Variants in THEMIS observed in about 807,000 individuals in gnomAD.
The protein encoded by THEMIS is thymocyte selection associated, also known as protein THEMIS.
Under a neutral mutation model 52.6 loss-of-function variants are expected in THEMIS, and 37 were observed. The observed-to-expected ratio is 0.70, with a 90% CI of 0.54 to 0.93. The LOEUF is 0.93. THEMIS is among the 40% of genes least tolerant of loss of function. The pLI is 0.00. For synonymous variants in THEMIS, 292 were observed against 272.7 expected (o/e 1.07, Z -0.70); for missense variants, 808 against 763.1 (o/e 1.06, Z -0.69).
At chr6:127,892,142 G>T (rs1010806102) in intron 1 of THEMIS, among the ~76,000 whole-genome samples, 1 of 152,082 alleles carries the variant, frequency 6.6e-6, no homozygotes. Context: ...GGCCTACAAG[G>T]TCTGGGCCTG....
intron 5 of THEMIS, among the ~76,000 whole-genome samples, chr6:127,719,115 ACTT>A (rs1274777491): frequency 2.0e-5 from 3 of 151,844 alleles, no homozygotes; most frequent in Non-Finnish European, 4.4e-5. Context: ...CAAGAAACAA[ACTT>A]CTTATTTCCC....
chr6:127,841,859 G>A (rs1284932813), intron 2 of THEMIS, among the ~76,000 whole-genome samples: 1 of 152,038 alleles, frequency 6.6e-6, no homozygotes, highest in Admixed American at 6.6e-5. Flanking sequence ...TTGTAAGGTA[G>A]ACACAGCTGA....
intron 3 of THEMIS, among the ~76,000 whole-genome samples, chr6:127,827,766 C>G (rs1208623265): frequency 6.6e-6 from 1 of 152,152 alleles, no homozygotes; most frequent in Non-Finnish European, 1.5e-5. Flanking sequence ...ATTGATGTCT[C>G]TACTGTATAA....
chr6:127,823,756 T>C (rs948029302), intron 3 of THEMIS, among the ~76,000 whole-genome samples: 1 of 152,084 alleles, frequency 6.6e-6, no homozygotes, highest in Non-Finnish European at 1.5e-5. Flanking sequence ...ACTAATTTAA[T>C]TAGGTAGTGA....
intron 4 of THEMIS, among the ~76,000 whole-genome samples, chr6:127,764,387 A>G (rs1302555623): frequency 1.3e-5 from 2 of 151,982 alleles, no homozygotes. Flanking sequence ...CTAAAGAAAC[A>G]TTAAAACATT....
rs529674319 is a variant in THEMIS at position 127,894,375 on chromosome 6, T to A, written c.91+6467A>T. ...AAATTATTAATTAAAAGCAAAAGGATAGCAAATAAAATCTTATATGATCAC... is the reference window on the plus strand; with the variant it reads ...AAATTATTAATTAAAAGCAAAAGGAAAGCAAATAAAATCTTATATGATCAC... On this transcript the variant is annotated intron_variant, in intron 1 of 5. Transcript: ENST00000368248. Among the ~76,000 whole-genome samples the A allele has an allele frequency of 2.7e-4, 41 of 151,968 alleles. 1 individual carries two copies. Among genetic ancestry groups the A allele is most frequent in the Non-Finnish European group, 4.4e-5 (3 of 67,894 alleles).
In THEMIS at chr6:127,813,146, T is replaced by A; in HGVS notation, c.1495A>T (p.Thr499Ser). The change falls in exon 4 of 6, where the codon ACG (threonine) becomes TCG (serine). Residue 499 changes from threonine to serine, a missense_variant. Thr to Ser is a moderately conservative substitution (Grantham distance 58). Coordinates refer to ENST00000368248, the MANE Select transcript of THEMIS (RefSeq NM_001010923.3). Reference protein sequence around the residue: ...YLLISDFANPTECWEIPVGRL... With the variant: ...YLLISDFANPSECWEIPVGRL... ...CCCACAGGAATTTCCCAGCACTCCG[T>A]GGGGTTGGCAAAGTCACTTATGAGT... 1 of 1,614,058 alleles carries A rather than the reference T, an allele frequency of 6.2e-7. No homozygotes were observed.
intron 3 of THEMIS, among the ~76,000 whole-genome samples, chr6:127,821,175 A>T (rs12665008): frequency 0.095 from 10,680 of 111,934 alleles, 368 homozygotes; most frequent in Middle Eastern, 0.11. Flanking sequence ...TGTGTGTGTG[A>T]GAGAGAGAGA....
intron 1 of THEMIS, among the ~76,000 whole-genome samples, chr6:127,882,835 T>A (rs1780527347): frequency 6.6e-6 from 1 of 151,928 alleles, no homozygotes. Flanking sequence ...CTGATTTTAC[T>A]ACCACATCAC....
intron 4 of THEMIS, among the ~76,000 whole-genome samples, chr6:127,765,941 A>G (rs758533643): frequency 7.9e-5 from 12 of 152,126 alleles, no homozygotes; most frequent in Non-Finnish European, 1.6e-4. Flanking sequence ...GATCAATACA[A>G]CATTCCTTGG....
intron 4 of THEMIS, among the ~76,000 whole-genome samples, chr6:127,748,434 C>T (rs1775523174): frequency 6.6e-6 from 1 of 152,014 alleles, no homozygotes; most frequent in Non-Finnish European, 1.5e-5. Flanking sequence ...ACTCTCACTG[C>T]AACTAATCCA....
chr6:127,874,939 C>T lies in THEMIS; in HGVS notation c.92-19751G>A, dbSNP rs553961507. Among the ~76,000 whole-genome samples the T allele has an allele frequency of 1.6e-4, 24 of 152,336 alleles. No homozygotes were observed. The South Asian group carries it at 1.7e-3, about 11-fold the overall frequency. ...CAGCAGGAGGTGAGCAGCTGAACAG[C>T]CAGCAAAGCTGAGCTTCACCTTTCA... is the stretch of plus-strand genomic sequence containing the variant. On this transcript the variant is annotated intron_variant, in intron 1 of 5. Transcript: ENST00000368248.
At chr6:127,739,025 C>T (rs1775105977) in intron 4 of THEMIS, among the ~76,000 whole-genome samples, 1 of 152,108 alleles carries the variant, frequency 6.6e-6, no homozygotes, top group South Asian at 2.1e-4. Context: ...CTCATGGCTG[C>T]ACCATTGCAA....
intron 4 of THEMIS, among the ~76,000 whole-genome samples, chr6:127,743,072 T>C (rs1210791190): frequency 6.6e-6 from 1 of 152,058 alleles, no homozygotes; most frequent in Non-Finnish European, 1.5e-5. Context: ...TAAAAGGTGA[T>C]TCATTAAAGA....
At chr6:127,798,956 C>T (rs1583290016) in intron 4 of THEMIS, among the ~76,000 whole-genome samples, 3 of 134,656 alleles carry the variant, frequency 2.2e-5, no homozygotes, top group African/African-American at 8.7e-5. Flanking sequence ...TGTGCCACTG[C>T]AGTCCAGCCT....
At chr6:127,790,001 A>G (rs1777104924) in intron 4 of THEMIS, among the ~76,000 whole-genome samples, 1 of 152,218 alleles carries the variant, frequency 6.6e-6, no homozygotes, top group African/African-American at 2.4e-5. Context: ...ACTCCTATCC[A>G]ACATAGTATT....
At chr6:127,698,658 G>C in the THEMIS span, among the ~76,000 whole-genome samples, 1 of 151,990 alleles carries the variant, frequency 6.6e-6, no homozygotes, top group Non-Finnish European at 1.5e-5. Flanking sequence ...TTCTCCTGTT[G>C]TGGGTGTGGT....
intron 4 of THEMIS, among the ~76,000 whole-genome samples, chr6:127,749,212 G>A (rs377338628): frequency 2.6e-5 from 4 of 151,970 alleles, no homozygotes; most frequent in East Asian, 3.8e-4. Flanking sequence ...TGAAAAAGCC[G>A]CTTATTGTTA....
intron 3 of THEMIS, among the ~76,000 whole-genome samples, chr6:127,819,118 TAAAAAAAAAAAAAAAAAAAAAAAAAA>T (rs142123167): frequency 5.1e-5 from 1 of 19,470 alleles, no homozygotes; most frequent in East Asian, 1.9e-3. Flanking sequence ...AGACTCTGTC[TAAAAAAAAAAAAAAAAAAAAAAAAAA>T]AAAAAGAAAG....
Sources: allele counts gnomAD v4.1 joint callset (sites outside exome capture counted in the v4.1 genomes callset), GRCh38; gene constraint gnomAD v4.1.1; transcripts MANE v1.5; gene names NCBI Gene and HGNC (gene_info 2026-07-23, HGNC 2026-07-21).